TMEM163: variants seen among roughly 807,000 people sequenced by gnomAD.
The protein encoded by TMEM163 is transmembrane protein 163.
TMEM163 carries 17 observed loss-of-function variants against 29.3 expected under a neutral mutation model. The ratio of observed to expected loss-of-function variants is 0.58; its 90% CI spans 0.40 to 0.87. TMEM163 has a LOEUF of 0.87. TMEM163 is among the 40% of genes least tolerant of loss of function. The pLI is 0.00. For synonymous variants in TMEM163, 157 were observed against 160.6 expected, an observed-to-expected ratio of 0.98 and a Z score of 0.17; for missense variants, 303 against 381.5, an observed-to-expected ratio of 0.79 and a Z score of 1.71.
intron 6 of TMEM163, 27 bp from the exon 7 acceptor site, chr2:134,458,200 A>G (rs777091810): frequency 4.3e-6 from 7 of 1,612,796 alleles, no homozygotes; most frequent in East Asian, 2.2e-5. Flanking sequence ...GAGAGGCTAG[A>G]TGGCAGTGCC....
chr2:134,494,548 GT>G (rs1679502867), intron 5 of TMEM163, among the ~76,000 whole-genome samples: 1 of 151,978 alleles, frequency 6.6e-6, no homozygotes, highest in African/African-American at 2.4e-5. Context: ...TTCATGGACT[GT>G]TTGATACGGC....
At chr2:134,651,469 G>A (rs1187407471) in intron 2 of TMEM163, among the ~76,000 whole-genome samples, 17 of 105,356 alleles carry the variant, frequency 1.6e-4, no homozygotes, top group African/African-American at 2.5e-4. Flanking sequence ...AGTAGGTTGC[G>A]AAAATTTTCT....
At chr2:134,535,716 GGTTT>G (rs1327266106) in intron 4 of TMEM163, among the ~76,000 whole-genome samples, 2 of 144,072 alleles carry the variant, frequency 1.4e-5, no homozygotes, top group African/African-American at 5.7e-5. Flanking sequence ...TTATTTGTAT[GGTTT>G]TTTTTTTTGT....
intron 2 of TMEM163, among the ~76,000 whole-genome samples, chr2:134,578,039 C>T (rs1455505872): frequency 6.6e-6 from 1 of 151,948 alleles, no homozygotes; most frequent in Non-Finnish European, 1.5e-5. Context: ...CTCTCGGGTG[C>T]GGAGGAATGA....
chr2:134,684,922 C>CAAAAAAAA (rs56956631), intron 2 of TMEM163, among the ~76,000 whole-genome samples: 1 of 74,814 alleles, frequency 1.3e-5, no homozygotes, highest in African/African-American at 3.7e-5. Context: ...GACCCTGTCT[C>CAAAAAAAA]AAAAAAAAAA....
intron 2 of TMEM163, among the ~76,000 whole-genome samples, chr2:134,624,120 C>CCAGG (rs1192378227): frequency 2.6e-5 from 4 of 152,192 alleles, no homozygotes; most frequent in African/African-American, 9.7e-5. Context: ...CTCAGACCTC[C>CCAGG]CAGGCATCAC....
chr2:134,615,960 G>C (rs1409326344), intron 2 of TMEM163, among the ~76,000 whole-genome samples: 1 of 152,082 alleles, frequency 6.6e-6, no homozygotes. Flanking sequence ...CCCAGCCTAA[G>C]AGCAGAGCTT....
chr2:134,514,412 A>G (rs1029164149), intron 4 of TMEM163, among the ~76,000 whole-genome samples: 5 of 146,968 alleles, frequency 3.4e-5, no homozygotes, highest in African/African-American at 1.3e-4. Flanking sequence ...TTTTTTAAAA[A>G]AAGAGGTCTG....
intron 2 of TMEM163, among the ~76,000 whole-genome samples, chr2:134,681,280 C>A (rs1489376679): frequency 3.3e-5 from 5 of 152,184 alleles, no homozygotes; most frequent in Non-Finnish European, 7.3e-5. Flanking sequence ...CCTTTGGTGA[C>A]CCCGATGGGT....
At chr2:134,486,892 G>A (rs909242887) in intron 5 of TMEM163, among the ~76,000 whole-genome samples, 1 of 152,196 alleles carries the variant, frequency 6.6e-6, no homozygotes, top group African/African-American at 2.4e-5. Context: ...ATTCAAAGAT[G>A]CCTTATTAGA....
intron 2 of TMEM163, among the ~76,000 whole-genome samples, chr2:134,666,236 A>C (rs1316863602): frequency 6.6e-6 from 1 of 150,406 alleles, no homozygotes; most frequent in Admixed American, 6.6e-5. Context: ...CTCTCATCTC[A>C]TCTCCCCCAA....
intron 4 of TMEM163, among the ~76,000 whole-genome samples, chr2:134,531,950 T>TGCCA (rs530415781): frequency 5.1e-4 from 77 of 152,322 alleles, no homozygotes; most frequent in Non-Finnish European, 1.0e-3. Context: ...ACCCAGGAGC[T>TGCCA]GCCAGCCATC....
rs974437646 is a variant in TMEM163, at chr2:134,653,736, GT to G, written c.322+59463del. Among the ~76,000 whole-genome samples, 6 of 91,138 alleles carry G rather than the reference GT, an allele frequency of 6.6e-5. 1 individual carries two copies. The highest frequency in any genetic ancestry group is 1.3e-4 in the Non-Finnish European group (6 of 47,264). 59.8% of individuals were successfully genotyped at this position (91,138 alleles called of 152,430 possible). On this transcript the variant is annotated intron_variant, in intron 2 of 7. Transcript: ENST00000281924. ...GCTTTGAATGCGTCCCAGAGATTCT[GT>G]TAAGTTGTGTCTTTGTTCTCGTTGG...
intron 4 of TMEM163, among the ~76,000 whole-genome samples, chr2:134,504,269 T>G (rs1182708634): frequency 6.6e-6 from 1 of 152,140 alleles, no homozygotes; most frequent in Non-Finnish European, 1.5e-5. Context: ...AGTCACACTG[T>G]GGTGTAGGTT....
At chr2:134,530,148 C>T (rs1680387903) in intron 4 of TMEM163, among the ~76,000 whole-genome samples, 1 of 152,128 alleles carries the variant, frequency 6.6e-6, no homozygotes, top group Admixed American at 6.5e-5. Flanking sequence ...TCCTTCAAGC[C>T]CTTCTCCCTA....
intron 5 of TMEM163, among the ~76,000 whole-genome samples, chr2:134,486,844 G>A (rs992010778): frequency 2.7e-5 from 4 of 150,012 alleles, no homozygotes; most frequent in African/African-American, 9.7e-5. Flanking sequence ...TAGACTGAAA[G>A]AATAATGCTC....
intron 6 of TMEM163, 127 bp from the exon 7 acceptor site, chr2:134,458,300 A>C: frequency 8.9e-7 from 1 of 1,124,638 alleles, no homozygotes; most frequent in Non-Finnish European, 1.3e-6. Context: ...AGCTCTCACG[A>C]GTGATAGCCA....
At chr2:134,668,491 C>A (rs1020608214) in intron 2 of TMEM163, among the ~76,000 whole-genome samples, 1 of 152,010 alleles carries the variant, frequency 6.6e-6, no homozygotes, top group Non-Finnish European at 1.5e-5. Flanking sequence ...ACTGCCATTT[C>A]TTTTCCTCTT....
chr2:134,499,124 T>C (rs1336446427), intron 5 of TMEM163, among the ~76,000 whole-genome samples: 1 of 152,130 alleles, frequency 6.6e-6, no homozygotes, highest in South Asian at 2.1e-4. Context: ...TACGCATCAC[T>C]GTGGAATGGT....
Sources: allele counts gnomAD v4.1 joint callset (sites outside exome capture counted in the v4.1 genomes callset), GRCh38; gene constraint gnomAD v4.1.1; transcripts MANE v1.5; gene names NCBI Gene and HGNC (gene_info 2026-07-23, HGNC 2026-07-21).